R3HDM1: variants seen among roughly 807,000 people sequenced by gnomAD.
R3HDM1 encodes R3H domain containing 1.
In R3HDM1, 46 loss-of-function variants were observed where a neutral mutation model predicts 141.1. The observed-to-expected ratio is 0.33, with a 90% CI of 0.26 to 0.42. R3HDM1 has a LOEUF of 0.42. Among genes scored for constraint, R3HDM1 ranks in the 10% least tolerant of loss-of-function variants. The pLI, the probability that R3HDM1 is intolerant of heterozygous loss-of-function variation, is 1.00. For missense variants in R3HDM1, 1,184 were observed against 1,368.3 expected (o/e 0.87, Z 2.12); for synonymous variants, 435 against 472.9 (o/e 0.92, Z 1.04).
At chr2:135,695,166 G>A (rs982795049) in intron 21 of R3HDM1, among the ~76,000 whole-genome samples, 2 of 152,130 alleles carry the variant, frequency 1.3e-5, no homozygotes, top group African/African-American at 4.8e-5. Context: ...CTATGGTCCA[G>A]AACAAAGCTC....
chr2:135,597,389 C>A, intron 1 of R3HDM1: 1 of 616,808 alleles, frequency 1.6e-6, no homozygotes, highest in Non-Finnish European at 2.0e-6. Context: ...GCACATTTAA[C>A]ATTTTGAAAT....
At chr2:135,588,049 T>C (rs1355328851) in intron 1 of R3HDM1, among the ~76,000 whole-genome samples, 1 of 151,974 alleles carries the variant, frequency 6.6e-6, no homozygotes, top group East Asian at 1.9e-4. Flanking sequence ...TCTCTCTCTC[T>C]CTTTTATCTT....
chr2:135,594,589 G>A lies in R3HDM1; in HGVS notation c.-249-7911G>A, dbSNP rs558722589. Among the ~76,000 whole-genome samples the A allele has an allele frequency of 2.0e-5, 3 of 152,186 alleles. No homozygotes were observed. The East Asian group carries it at 5.8e-4, about 29-fold the overall frequency. On this transcript the variant is annotated intron_variant, in intron 1 of 26. Transcript: ENST00000683871. ...TCTCCACAAGCCCTACAGCCATCCC[G>A]GCTCCCTCTCTTCTAGCAAATAGGT...
chr2:135,531,816 C>G (rs1309371596), intron 1 of R3HDM1, 183 bp downstream of exon 1: 1 of 985,232 alleles, frequency 1.0e-6, no homozygotes, highest in Non-Finnish European at 1.2e-6. Flanking sequence ...TCTGACGTCC[C>G]GCTGCTGCCA....
intron 15 of R3HDM1, 157 bp from the exon 16 acceptor site, chr2:135,645,222 C>A: frequency 3.3e-6 from 2 of 606,712 alleles, no homozygotes; most frequent in Non-Finnish European, 5.6e-6. Flanking sequence ...TCAGAGCAGG[C>A]ATTTCCCAAC....
At chr2:135,722,612 C>T (rs2076800378) in intron 26 of R3HDM1, 59 bp downstream of exon 26, 4 of 1,472,894 alleles carry the variant, frequency 2.7e-6, no homozygotes, top group African/African-American at 2.8e-5. Context: ...TCTAAAAATA[C>T]ACCACAGCAC....
chr2:135,581,044 A>T (rs1366687605), intron 1 of R3HDM1: 6 of 386,448 alleles, frequency 1.6e-5, no homozygotes, highest in Admixed American at 1.3e-4. Flanking sequence ...CCTGGCACTT[A>T]CTACTCTATT....
At chr2:135,578,274 C>A (rs1484306584) in intron 1 of R3HDM1, among the ~76,000 whole-genome samples, 3 of 152,128 alleles carry the variant, frequency 2.0e-5, no homozygotes, top group Non-Finnish European at 4.4e-5. Context: ...ATATGCTACT[C>A]TTTATGAAGC....
intron 1 of R3HDM1, chr2:135,549,873 T>G: frequency 1.5e-6 from 1 of 667,440 alleles, no homozygotes; most frequent in Non-Finnish European, 1.9e-6. Context: ...TTAAAAATGG[T>G]CAATTGTGTT....
intron 1 of R3HDM1, among the ~76,000 whole-genome samples, chr2:135,537,608 C>CT (rs1159204892): frequency 1.9e-5 from 2 of 107,370 alleles, no homozygotes; most frequent in African/African-American, 7.3e-5. Context: ...TTAGTGAGCC[C>CT]TTATTTTATT....
rs987209452 is a variant in R3HDM1 at position 135,537,346 on chromosome 2, C to T, written c.-250+5713C>T. On this transcript the variant is annotated intron_variant, in intron 1 of 26. Transcript: ENST00000683871. ...TGTCACCCAGGCTGGAGTGCAGTGG[C>T]GCAATCTCGGCCTACTGCAACCTCC... Among the ~76,000 whole-genome samples, 18 of 123,690 alleles carry T rather than the reference C, an allele frequency of 1.5e-4. No individual in the cohort carries two copies. In the East Asian group the frequency reaches 3.5e-3, roughly 24 times the overall value. The allele number at this position is 123,690 out of a possible 152,430, so 81.1% of individuals were successfully genotyped here.
intron 3 of R3HDM1, among the ~76,000 whole-genome samples, chr2:135,612,685 C>T (rs975614202): frequency 3.3e-5 from 5 of 152,114 alleles, no homozygotes; most frequent in African/African-American, 1.2e-4. Context: ...ATATAAATAG[C>T]ATTTCTCTGG....
At chr2:135,649,785 A>G (rs1410689072) in intron 16 of R3HDM1, 117 bp from the exon 17 acceptor site, 2 of 415,164 alleles carry the variant, frequency 4.8e-6, no homozygotes, top group South Asian at 6.9e-5. Flanking sequence ...TATATTTTAA[A>G]TGACTTTATA....
At chr2:135,539,691 T>C (rs1426686831) in intron 1 of R3HDM1, among the ~76,000 whole-genome samples, 1 of 151,034 alleles carries the variant, frequency 6.6e-6, no homozygotes, top group Non-Finnish European at 1.5e-5. Flanking sequence ...TATACAATTC[T>C]GTAGTCTATT....
At chr2:135,715,451 T>A in intron 23 of R3HDM1, 99 bp from the exon 24 acceptor site, 1 of 1,309,986 alleles carries the variant, frequency 7.6e-7, no homozygotes, top group South Asian at 1.5e-5. Context: ...CTATAATGTT[T>A]GAATTATTTT....
chr2:135,545,810 G>C (rs1698570802), intron 1 of R3HDM1, among the ~76,000 whole-genome samples: 1 of 152,134 alleles, frequency 6.6e-6, no homozygotes, highest in African/African-American at 2.4e-5. Context: ...AGGATTTCCT[G>C]TCTTCTTAGT....
At position 135,550,884 on chromosome 2, in the gene R3HDM1, G is replaced by C. The variant is rs188955327; in HGVS notation, c.-250+19251G>C. Among the ~76,000 whole-genome samples, 8 of 152,270 alleles carry C rather than the reference G, an allele frequency of 5.3e-5. No individual in the cohort carries two copies. The East Asian group carries it at 1.2e-3, about 22-fold the overall frequency. ...GGGAAATTTTCAAAATGGATAGCTT[G>C]TCAGGCATACTACAATTATACTTCG... On this transcript the variant is annotated intron_variant, in intron 1 of 26. Transcript: ENST00000683871.
In R3HDM1 at chr2:135,638,836, T is replaced by C. The variant is rs777624356; in HGVS notation, c.992+47T>C. ...TACAGTATTGAAAAATTAAAGCATT[T>C]TTTTCTTTACTTTTTGTTCCCCTGC... On this transcript the variant is annotated intron_variant, in intron 13 of 26. Transcript: ENST00000683871. 33 of 1,611,790 alleles carry C rather than the reference T, an allele frequency of 2.0e-5. No homozygotes were observed. In the East Asian group the frequency reaches 3.8e-4, roughly 18 times the overall value.
At position 135,724,438 on chromosome 2, in the gene R3HDM1, TC is replaced by T; in HGVS notation, c.*148del. 3.3e-6 allele frequency: 2 copies of T among 609,310 alleles called. No individual in the cohort carries two copies. Among genetic ancestry groups the T allele is most frequent in the Non-Finnish European group, 2.7e-6 (1 of 364,688 alleles). 37.7% of individuals were successfully genotyped at this position (609,310 alleles called of 1,614,324 possible). A position where few individuals can be genotyped will look rare whatever the true frequency, so the allele number is the denominator to read the frequency against. The stretch of plus-strand genomic sequence containing the variant: ...ATAGCTTTTGAAGAAAGGCCAGTGA[TC>T]CAGCAAAGGGGGAAAAATATGCATT... On this transcript the variant is annotated 3_prime_UTR_variant, in exon 27 of 27. Coordinates refer to ENST00000683871, the MANE Select transcript of R3HDM1 (RefSeq NM_001378107.1).
Sources: gnomAD v4.1 joint callset for allele counts (sites outside exome capture counted in the v4.1 genomes callset) on GRCh38, gnomAD v4.1.1 for gene constraint, MANE v1.5 for transcripts, NCBI Gene and HGNC (gene_info 2026-07-23, HGNC 2026-07-21) for gene names.